Variants in CRLF2 observed in about 807,000 individuals in gnomAD.
The protein encoded by CRLF2 is cytokine receptor like factor 2, also known as cytokine receptor-like factor 2.
A neutral mutation model predicts 38.7 loss-of-function variants in CRLF2; 41 were observed. The ratio of observed to expected loss-of-function variants is 1.06; its 90% CI spans 0.83 to 1.37. CRLF2 has a LOEUF of 1.37. Ranked by LOEUF, CRLF2 falls within the 40% of genes most tolerant of loss-of-function variation. CRLF2 has a pLI of 0.00. For missense variants in CRLF2, 377 were observed against 322.2 expected, an observed-to-expected ratio of 1.17 and a Z score of -1.30; for synonymous variants, 140 against 128.8, an observed-to-expected ratio of 1.09 and a Z score of -0.59.
intron 4 of CRLF2, 147 bp downstream of exon 4, chrX:1,202,255 T>C: frequency 1.1e-6 from 1 of 910,300 alleles, no homozygotes. Flanking sequence ...CAAGCTGGAC[T>C]AGAGCTCTCT....
intron 3 of CRLF2, among the ~76,000 whole-genome samples, chrX:1,205,963 C>A (rs1211138107): frequency 1.3e-5 from 2 of 150,170 alleles, no homozygotes; most frequent in East Asian, 4.0e-4. Flanking sequence ...ATGGTAATAA[C>A]CTGAAGGAAG....
chrX:1,207,098 A>G (rs1467033196), intron 2 of CRLF2, among the ~76,000 whole-genome samples: 12 of 134,272 alleles, frequency 8.9e-5, no homozygotes, highest in Non-Finnish European at 1.9e-4. Context: ...GGCACGCACC[A>G]CCACCCCCAG....
intron 1 of CRLF2, among the ~76,000 whole-genome samples, chrX:1,211,249 ATGGATGGG>A (rs2086792123): frequency 6.9e-6 from 1 of 145,740 alleles, no homozygotes; most frequent in African/African-American, 2.6e-5. Context: ...GGGTGGGTGG[ATGGATGGG>A]TGGATGGATG....
intron 7 of CRLF2, among the ~76,000 whole-genome samples, chrX:1,192,894 A>C (rs1186453201): frequency 6.8e-6 from 1 of 147,230 alleles, no homozygotes; most frequent in African/African-American, 2.5e-5. Context: ...GCTCACTGCA[A>C]CCTCTGCCTC....
intron 1 of CRLF2, among the ~76,000 whole-genome samples, chrX:1,209,559 C>T (rs1398673853): frequency 6.6e-6 from 1 of 151,736 alleles, no homozygotes; most frequent in East Asian, 1.9e-4. Flanking sequence ...TCTCGATCTC[C>T]TGACCTCGTG....
rs771376694 is a variant in CRLF2, at chrX:1,196,943, G to A, written c.647-43C>T. 421 of 1,594,818 alleles carry A rather than the reference G, an allele frequency of 2.6e-4. 3 individuals carry two copies. In the South Asian group the frequency reaches 4.3e-3, roughly 16 times the overall value. On this transcript the variant is annotated intron_variant, in intron 5 of 7. Coordinates refer to ENST00000400841, the MANE Select transcript of CRLF2 (RefSeq NM_022148.4). ...GGCGGCTGTCAGTTTTCAACATGAC[G>A]TGCGGCTGTACGTTTTCAACGTGAT...
At chrX:1,194,049 TG>T (rs1556417001) in intron 6 of CRLF2, among the ~76,000 whole-genome samples, 1 of 151,528 alleles carries the variant, frequency 6.6e-6, no homozygotes. Flanking sequence ...CGCTTGAACC[TG>T]GGGGGCAGAG....
chrX:1,198,215 C>CCCGG (rs1383101725), intron 5 of CRLF2, among the ~76,000 whole-genome samples: 1 of 21,224 alleles, frequency 4.7e-5, no homozygotes, highest in Non-Finnish European at 9.9e-5. Context: ...CCTCCCACCT[C>CCCGG]GAAGGCAGGA....
rs1391785604 is a variant in CRLF2, at chrX:1,198,784, A to G, written c.484-60T>C. ...ACACACACACACACACACACACACA[A>G]TGATTAGTGATGTAACCTGTCTGTC... On this transcript the variant is annotated intron_variant, in intron 4 of 7. Transcript: ENST00000400841. 4.4e-5 allele frequency: 37 copies of G among 841,070 alleles called. 1 individual carries two copies. The South Asian group carries it at 6.8e-4, about 15-fold the overall frequency. 52.1% of individuals were successfully genotyped at this position (841,070 alleles called of 1,614,324 possible).
chrX:1,198,738 C>CACAT lies in CRLF2; in HGVS notation c.484-15_484-14insATGT, dbSNP rs1213255642. 124,967 of 530,310 alleles carry CACAT rather than the reference C, an allele frequency of 0.24. 10,484 individuals are homozygous for CACAT. The highest frequency in any genetic ancestry group is 0.33 in the East Asian group (8,284 of 24,814). 32.9% of individuals were successfully genotyped at this position (530,310 alleles called of 1,614,324 possible). On this transcript the variant is annotated splice_polypyrimidine_tract_variant and intron_variant, in intron 4 of 7. Coordinates refer to ENST00000400841, the MANE Select transcript of CRLF2 (RefSeq NM_022148.4). The stretch of plus-strand genomic sequence containing the variant: ...TTCCTGTTTGGACTGGAGAAACATA[C>CACAT]ACACACACACACACACACACACACA...
At chrX:1,196,187 ATT>A (rs753943213) in intron 6 of CRLF2, among the ~76,000 whole-genome samples, 12,744 of 119,406 alleles carry the variant, frequency 0.11, 889 homozygotes, top group African/African-American at 0.22. Context: ...GGCAGGGCTA[ATT>A]TTTTTTTTTT....
intron 4 of CRLF2, among the ~76,000 whole-genome samples, chrX:1,201,935 T>C (rs1196428747): frequency 1.3e-5 from 2 of 151,396 alleles, no homozygotes; most frequent in Non-Finnish European, 2.9e-5. Context: ...CATAGAGAGA[T>C]AGATAGAACA....
At chrX:1,203,325 A>G (rs1268226136) in intron 3 of CRLF2, among the ~76,000 whole-genome samples, 3 of 151,280 alleles carry the variant, frequency 2.0e-5, no homozygotes, top group Non-Finnish European at 4.4e-5. Flanking sequence ...GGATGCCTGG[A>G]GCCCCCAGGA....
chrX:1,191,263 TTCTC>T (rs1384791226), intron 7 of CRLF2, 103 bp from the exon 8 acceptor site: 5 of 398,492 alleles, frequency 1.3e-5, no homozygotes, highest in African/African-American at 1.0e-4. Flanking sequence ...CTGGACATCT[TTCTC>T]TTTCTTTCTC....
intron 1 of CRLF2, among the ~76,000 whole-genome samples, chrX:1,211,481 A>G (rs1254643202): frequency 6.3e-5 from 5 of 79,084 alleles, no homozygotes; most frequent in Admixed American, 1.3e-4. Flanking sequence ...GGATGGATGG[A>G]TGGATGGATG....
chrX:1,203,660 C>G (rs773415282), intron 3 of CRLF2, among the ~76,000 whole-genome samples: 1 of 152,050 alleles, frequency 6.6e-6, no homozygotes, highest in Non-Finnish European at 1.5e-5. Flanking sequence ...ACACCTGGAG[C>G]CCCCAGGAGC....
Position 1,212,554 on chromosome X carries a change from A to G in CRLF2, c.79+2T>C. 6.2e-7 allele frequency: 1 copy of G among 1,609,812 alleles called. No individual in the cohort carries two copies. The highest frequency in any genetic ancestry group is 8.5e-7 in the Non-Finnish European group (1 of 1,176,654). The stretch of plus-strand genomic sequence containing the variant: ...ACAAGAAGAGGGTGTTTAAATAATT[A>G]CCTGCTCCTCCTTGCCCCAAAGCCA... On this transcript the variant is annotated splice_donor_variant, in intron 1 of 7. Coordinates refer to ENST00000400841, the MANE Select transcript of CRLF2 (RefSeq NM_022148.4). LOFTEE classifies it high-confidence loss of function.
chrX:1,211,958 TGATA>T (rs1390450215), intron 1 of CRLF2, among the ~76,000 whole-genome samples: 6 of 143,858 alleles, frequency 4.2e-5, no homozygotes, highest in African/African-American at 1.1e-4. Context: ...GATGGATGGA[TGATA>T]GATGGGTGGA....
chrX:1,196,007 T>C (rs1353977405), intron 6 of CRLF2, among the ~76,000 whole-genome samples: 4 of 142,312 alleles, frequency 2.8e-5, no homozygotes, highest in Non-Finnish European at 6.0e-5. Context: ...TATATATAAT[T>C]ATATATAAAT....
Sources: allele counts gnomAD v4.1 joint callset (sites outside exome capture counted in the v4.1 genomes callset), GRCh38; gene constraint gnomAD v4.1.1; transcripts MANE v1.5; gene names NCBI Gene and HGNC (gene_info 2026-07-23, HGNC 2026-07-21).